Variants in RSU1 observed in about 807,000 individuals in gnomAD.
The protein encoded by RSU1 is rsu-1.
RSU1 carries 26 observed loss-of-function variants against 31.1 expected under a neutral mutation model. The observed-to-expected ratio is 0.84, with a 90% CI of 0.61 to 1.16. The LOEUF is 1.16. Ranked by LOEUF, RSU1 falls within the 50% of genes most tolerant of loss-of-function variation. The probability of loss-of-function intolerance (pLI) is 0.00; values close to 1 mark genes in which losing one functional copy is unlikely to be tolerated. For synonymous variants in RSU1, 164 were observed against 136.3 expected, an observed-to-expected ratio of 1.20 and a Z score of -1.41; for missense variants, 320 against 339.1, an observed-to-expected ratio of 0.94 and a Z score of 0.44.
chr10:16,719,824 G>C (rs1357147364), intron 7 of RSU1, among the ~76,000 whole-genome samples: 1 of 152,094 alleles, frequency 6.6e-6, no homozygotes, highest in Non-Finnish European at 1.5e-5. Context: ...CATTCAGTAA[G>C]GAAAAAGAAA....
At chr10:16,799,558 T>C (rs559739733) in intron 2 of RSU1, among the ~76,000 whole-genome samples, 103 of 152,210 alleles carry the variant, frequency 6.8e-4, no homozygotes, top group Non-Finnish European at 1.4e-3. Flanking sequence ...GGCCCGGTCT[T>C]AAGGGGTCTC....
chr10:16,756,983 G>C (rs1374385591), intron 4 of RSU1, among the ~76,000 whole-genome samples: 2 of 150,608 alleles, frequency 1.3e-5, no homozygotes, highest in Non-Finnish European at 3.0e-5. Flanking sequence ...GTGGTGTGGT[G>C]TGTGTATAGG....
At chr10:16,659,510 G>A (rs1457546444) in intron 8 of RSU1, among the ~76,000 whole-genome samples, 3 of 152,060 alleles carry the variant, frequency 2.0e-5, no homozygotes, top group Non-Finnish European at 4.4e-5. Flanking sequence ...TCTCCCCACT[G>A]ATCTGCAATA....
chr10:16,776,230 C>A (rs955790479), intron 3 of RSU1, among the ~76,000 whole-genome samples: 2 of 152,148 alleles, frequency 1.3e-5, no homozygotes, highest in Non-Finnish European at 2.9e-5. Flanking sequence ...AAATTTTCTT[C>A]ATTATAATTG....
chr10:16,809,174 T>C lies in RSU1; in HGVS notation c.109+7799A>G, dbSNP rs184100426. 9.6e-4 allele frequency among the ~76,000 whole-genome samples: 147 copies of C among 152,336 alleles called. 2 individuals carry two copies. Among genetic ancestry groups the C allele is most frequent in the African/African-American group, 3.2e-3 (135 of 41,586 alleles). On this transcript the variant is annotated intron_variant, in intron 2 of 8. Transcript: ENST00000345264. ...AAATACTGTTTTACAGCATTAAGCA[T>C]CACACGCTGATGGAATCTGCTCAAT...
rs539172796 is a variant in RSU1 at position 16,729,407 on chromosome 10, A to C, written c.598+23132T>G. The stretch of plus-strand genomic sequence containing the variant: ...CTGGGTGTGGCAGGAAGTTTCAGTG[A>C]AAGAGAAAGAAAAATTAACAGATAA... On this transcript the variant is annotated intron_variant, in intron 7 of 8. Coordinates refer to ENST00000345264, the MANE Select transcript of RSU1 (RefSeq NM_012425.4). Among the ~76,000 whole-genome samples, 3 of 152,280 alleles carry C rather than the reference A, an allele frequency of 2.0e-5. No individual in the cohort carries two copies. In the South Asian group the frequency reaches 6.2e-4, roughly 32 times the overall value.
chr10:16,649,547 A>T (rs955936075), intron 8 of RSU1, among the ~76,000 whole-genome samples: 2 of 152,228 alleles, frequency 1.3e-5, no homozygotes, highest in Non-Finnish European at 2.9e-5. Context: ...AATGAACTCA[A>T]ATGCCCTGTT....
intron 4 of RSU1, among the ~76,000 whole-genome samples, chr10:16,761,268 G>A (rs1436388350): frequency 6.6e-6 from 1 of 152,150 alleles, no homozygotes; most frequent in Non-Finnish European, 1.5e-5. Flanking sequence ...AGCACAGAGT[G>A]CTTTTCTTAG....
intron 5 of RSU1, among the ~76,000 whole-genome samples, chr10:16,754,367 C>T (rs1434488201): frequency 6.6e-6 from 1 of 152,052 alleles, no homozygotes. Flanking sequence ...TTTCTTAATG[C>T]CTGTGTACTG....
At chr10:16,695,901 A>G (rs1355202392) in intron 7 of RSU1, among the ~76,000 whole-genome samples, 2 of 152,208 alleles carry the variant, frequency 1.3e-5, no homozygotes, top group Non-Finnish European at 2.9e-5. Context: ...ATCAGGTTAC[A>G]TATCAATTTA....
intron 7 of RSU1, among the ~76,000 whole-genome samples, chr10:16,699,021 G>A (rs537209635): frequency 6.6e-6 from 1 of 151,844 alleles, no homozygotes; most frequent in Admixed American, 6.6e-5. Flanking sequence ...GGTTCCCTGG[G>A]GAAAAAAAAG....
chr10:16,644,324 T>A (rs539805885), intron 8 of RSU1, among the ~76,000 whole-genome samples: 1 of 152,196 alleles, frequency 6.6e-6, no homozygotes, highest in East Asian at 1.9e-4. Flanking sequence ...TGTTTCTCGA[T>A]AGTCTGAGGG....
chr10:16,770,117 C>T (rs554750045), intron 3 of RSU1, among the ~76,000 whole-genome samples: 39 of 152,106 alleles, frequency 2.6e-4, no homozygotes, highest in African/African-American at 5.5e-4. Context: ...GTGGTAGTGA[C>T]GGTACAGACA....
intron 2 of RSU1, among the ~76,000 whole-genome samples, chr10:16,814,284 T>C (rs1407076615): frequency 2.6e-5 from 4 of 151,000 alleles, no homozygotes; most frequent in African/African-American, 9.7e-5. Context: ...TACAAAGAAA[T>C]AAAAAATAAA....
chr10:16,742,830 G>C (rs991314577), intron 7 of RSU1, among the ~76,000 whole-genome samples: 5 of 152,218 alleles, frequency 3.3e-5, no homozygotes, highest in African/African-American at 1.2e-4. Context: ...TTTATGTGTT[G>C]CAACTTCCCA....
At chr10:16,733,333 T>C (rs899861857) in intron 7 of RSU1, among the ~76,000 whole-genome samples, 1 of 79,642 alleles carries the variant, frequency 1.3e-5, no homozygotes, top group African/African-American at 5.0e-5. Context: ...TCTACGACAA[T>C]AAAAAAAAAA....
intron 2 of RSU1, among the ~76,000 whole-genome samples, chr10:16,796,993 T>G (rs1018846994): frequency 2.6e-4 from 39 of 152,288 alleles, no homozygotes; most frequent in African/African-American, 8.4e-4. Flanking sequence ...AACCCCCGAA[T>G]AGCTAAACAA....
chr10:16,777,160 C>T (rs1052472073), intron 3 of RSU1, among the ~76,000 whole-genome samples: 3 of 151,868 alleles, frequency 2.0e-5, no homozygotes, highest in African/African-American at 4.8e-5. Flanking sequence ...GAGCAGTATA[C>T]GAATCAGCAT....
chr10:16,806,902 T>C (rs2488347), intron 2 of RSU1, among the ~76,000 whole-genome samples: 60,767 of 152,042 alleles, frequency 0.4, 12,607 homozygotes, highest in African/African-American at 0.53. Flanking sequence ...TACAGGCATG[T>C]ACCACCACAC....
Sources: allele counts gnomAD v4.1 joint callset (sites outside exome capture counted in the v4.1 genomes callset), GRCh38; gene constraint gnomAD v4.1.1; transcripts MANE v1.5; gene names NCBI Gene and HGNC (gene_info 2026-07-23, HGNC 2026-07-21).